The following DDHD2 variants were observed in gnomAD, a reference collection of about 807,000 sequenced individuals.
DDHD2 encodes triacylglycerol hydrolase DDHD2.
In DDHD2, 62 loss-of-function variants were observed where a neutral mutation model predicts 91.2. The ratio of observed to expected loss-of-function variants is 0.68; its 90% CI spans 0.55 to 0.84. The LOEUF is 0.84. DDHD2 is among the 40% of genes least tolerant of loss of function. DDHD2 has a pLI of 0.00. For synonymous variants in DDHD2, 271 were observed against 293.9 expected (o/e 0.92, Z 0.80); for missense variants, 740 against 846.9 (o/e 0.87, Z 1.57).
intron 1 of DDHD2, chr8:38,267,873 G>T: frequency 6.2e-7 from 1 of 1,611,484 alleles, no homozygotes; most frequent in South Asian, 1.1e-5. Context: ...GCAGATGCTG[G>T]GGTGGTTAGC....
chr8:38,257,324 C>G (rs1806597216), intron 16 of DDHD2, among the ~76,000 whole-genome samples: 1 of 140,910 alleles, frequency 7.1e-6, no homozygotes, highest in South Asian at 2.4e-4. Flanking sequence ...TCTTGGCTCA[C>G]TGCAACCTCT....
At chr8:38,251,819 C>T (rs1205647504) in intron 11 of DDHD2, 93 bp from the exon 12 acceptor site, 3 of 821,896 alleles carry the variant, frequency 3.7e-6, no homozygotes, top group Non-Finnish European at 6.0e-6. Context: ...AACAATCCTA[C>T]CTACCTACCT....
intron 7 of DDHD2, among the ~76,000 whole-genome samples, chr8:38,242,623 C>T (rs1805339318): frequency 6.6e-6 from 1 of 152,104 alleles, no homozygotes. Context: ...TTCATTGTAT[C>T]TTTAGCATTA....
In DDHD2 at chr8:38,256,384, C is replaced by T. The variant is rs911848952; in HGVS notation, c.2054+2666C>T. On this transcript the variant is annotated intron_variant, in intron 16 of 17. Coordinates refer to ENST00000397166, the MANE Select transcript of DDHD2 (RefSeq NM_015214.3). The stretch of plus-strand genomic sequence containing the variant: ...GTGACACAATCATGGCTCACTGTTG[C>T]CTAGATCTCTGGGCTCAAGGGATCC... Among the ~76,000 whole-genome samples, 13 of 152,080 alleles carry T rather than the reference C, an allele frequency of 8.5e-5. 1 individual carries two copies. The highest frequency in any genetic ancestry group is 2.6e-4 in the Admixed American group (4 of 15,254).
chr8:38,249,634 C>A (rs1805946801), intron 10 of DDHD2, 74 bp from the exon 11 acceptor site: 9 of 981,226 alleles, frequency 9.2e-6, no homozygotes, highest in South Asian at 3.2e-5. Flanking sequence ...AGTGCCTAGG[C>A]CTTGTTCCTC....
chr8:38,267,390 G>A (rs766280823), downstream of DDHD2: 6 of 1,612,724 alleles, frequency 3.7e-6, no homozygotes, highest in African/African-American at 1.3e-5. Context: ...TCTGGGCGTG[G>A]CCTGGAAGAA....
downstream of DDHD2, chr8:38,267,201 A>G: frequency 6.2e-7 from 1 of 1,613,318 alleles, no homozygotes; most frequent in Non-Finnish European, 8.5e-7. Flanking sequence ...CATCCCTACT[A>G]GCTTTCTAGG....
At chr8:38,258,325 T>C (rs1806700494) in intron 16 of DDHD2, among the ~76,000 whole-genome samples, 1 of 151,954 alleles carries the variant, frequency 6.6e-6, no homozygotes, top group Non-Finnish European at 1.5e-5. Flanking sequence ...AGTAGTTGGC[T>C]CACTGCAACC....
At chr8:38,264,507 A>C (rs1364672485), downstream of DDHD2, 1 of 1,557,782 alleles carries the variant, frequency 6.4e-7, no homozygotes, top group South Asian at 1.2e-5. Context: ...GTTTGTCTTG[A>C]AATGGTTTAT....
At chr8:38,239,932 T>G (rs1011837752) in intron 5 of DDHD2, among the ~76,000 whole-genome samples, 7 of 151,408 alleles carry the variant, frequency 4.6e-5, no homozygotes, top group African/African-American at 1.5e-4. Context: ...ACCGTGTTGG[T>G]CAGGCTGGTC....
chr8:38,246,012 G>T, intron 8 of DDHD2, 62 bp downstream of exon 8: 1 of 1,467,982 alleles, frequency 6.8e-7, no homozygotes, highest in Non-Finnish European at 9.5e-7. Context: ...ACCTGTTTTT[G>T]AAGCACAATG....
rs201156715 is a variant in DDHD2 at position 38,246,265 on chromosome 8, C to G, written c.1090C>G (p.Gln364Glu). 152 of 1,609,024 alleles carry G rather than the reference C, an allele frequency of 9.4e-5. No homozygotes were observed. The highest frequency in any genetic ancestry group is 1.2e-4 in the Non-Finnish European group (146 of 1,176,412). Residue 364 changes from glutamine to glutamate, a missense_variant, in exon 9 of 18, where the codon CAG (glutamine) becomes GAG (glutamate). This residue lies in a region of DDHD2 where 693 missense variants were observed against 764.2 expected (regional missense o/e 0.91). Transcript: ENST00000397166. ...SLILFDILTN[Q>E]KDSLGDIDSE... ...TATATTGTTTGATATCCTAACAAATCAGAAAGATTCTTTGGGGGATATTGA... is the reference window on the plus strand; with the variant it reads ...TATATTGTTTGATATCCTAACAAATGAGAAAGATTCTTTGGGGGATATTGA...
downstream of DDHD2, chr8:38,267,611 A>G: frequency 1.6e-6 from 1 of 636,320 alleles, no homozygotes. Context: ...ATTACTTTTT[A>G]GGGCAAACAG....
downstream of DDHD2, chr8:38,267,745 G>C (rs1807877070): frequency 1.2e-6 from 1 of 803,478 alleles, no homozygotes; most frequent in Admixed American, 2.5e-5. Context: ...GAGGTATGGG[G>C]AAGGGAGTAA....
downstream of DDHD2, chr8:38,267,615 C>CAA (rs939225129): frequency 1.6e-6 from 1 of 630,936 alleles, no homozygotes; most frequent in African/African-American, 1.8e-5. Flanking sequence ...CTTTTTAGGG[C>CAA]AAACAGCAAA....
At chr8:38,238,650 T>G (rs1416597067) in intron 5 of DDHD2, 7 of 975,470 alleles carry the variant, frequency 7.2e-6, no homozygotes, top group Non-Finnish European at 8.5e-6. Flanking sequence ...GATTATAATA[T>G]TCCTTTTTTC....
rs1805099566 is a variant in DDHD2 at position 38,239,745 on chromosome 8, CAG to C, written c.623-527_623-526del. 3.1e-5 allele frequency among the ~76,000 whole-genome samples: 4 copies of C among 130,654 alleles called. No homozygotes were observed. The South Asian group carries it at 1.0e-3, about 34-fold the overall frequency. 85.7% of individuals were successfully genotyped at this position (130,654 alleles called of 152,430 possible). On this transcript the variant is annotated intron_variant, in intron 5 of 17. Coordinates refer to ENST00000397166, the MANE Select transcript of DDHD2 (RefSeq NM_015214.3). ...AAAAAAGAGTTTTTTTTTTTGGAGA[CAG>C]AGTCTTGCTCTGTCACCCAGGCTGG...
intron 1 of DDHD2, among the ~76,000 whole-genome samples, chr8:38,232,714 G>C (rs905287459): frequency 7.2e-5 from 11 of 152,088 alleles, no homozygotes; most frequent in African/African-American, 2.7e-4. Context: ...TGTGATTCTG[G>C]GTTTGTTTTA....
chr8:38,263,893 A>G, downstream of DDHD2: 1 of 984,378 alleles, frequency 1.0e-6, no homozygotes. Context: ...TTAATCTGAT[A>G]GACCAGATTC....
Sources: gnomAD v4.1 joint callset for allele counts (sites outside exome capture counted in the v4.1 genomes callset) on GRCh38, gnomAD v4.1.1 for gene constraint, gnomAD v4.1.1 regional missense constraint, MANE v1.5 for transcripts, NCBI Gene and HGNC (gene_info 2026-07-23, HGNC 2026-07-21) for gene names.